NFILZ: variants seen among roughly 807,000 people sequenced by gnomAD.
NFILZ encodes NFIL3 like basic leucine zipper, also known as NFIL3 like protein.
At chr19:8,665,117 C>G (rs1290440606) in intron 3 of NFILZ, among the ~76,000 whole-genome samples, 1 of 152,032 alleles carries the variant, frequency 6.6e-6, no homozygotes, top group Non-Finnish European at 1.5e-5. Context: ...AGGGGCAGAC[C>G]CAGAGAGATT....
chr19:8,666,834 A>G (rs1342901953), intron 3 of NFILZ, among the ~76,000 whole-genome samples: 1 of 152,010 alleles, frequency 6.6e-6, no homozygotes, highest in Admixed American at 6.6e-5. Flanking sequence ...CCCCAGGCTC[A>G]GGTGATCCTC....
At chr19:8,656,390 CCCGCAGCCCACCTTCTCT>C (rs2042998697) in intron 3 of NFILZ, among the ~76,000 whole-genome samples, 6 of 111,728 alleles carry the variant, frequency 5.4e-5, no homozygotes, top group South Asian at 2.7e-4. Context: ...CCCACCTTCT[CCCGCAGCCCACCTTCTCT>C]CTGAAACCCA....
rs2043121898 is a variant in NFILZ at position 8,678,072 on chromosome 19, C to G, written c.*437C>G. The stretch of plus-strand genomic sequence containing the variant: ...TCCATCCACCCATCTATTCATCCAT[C>G]CATCAATCCATCCATCCATTCCATC... On this transcript the variant is annotated 3_prime_UTR_variant, in exon 6 of 6. Coordinates refer to ENST00000691075, the MANE Select transcript of NFILZ (RefSeq NM_001378600.1). Among the ~76,000 whole-genome samples the G allele has an allele frequency of 5.5e-5, 1 of 18,106 alleles. No individual in the cohort carries two copies. Among genetic ancestry groups the G allele is most frequent in the Non-Finnish European group, 1.5e-4 (1 of 6,576 alleles). 11.9% of individuals were successfully genotyped at this position (18,106 alleles called of 152,430 possible).
chr19:8,668,204 G>A (rs1262102151), intron 3 of NFILZ, among the ~76,000 whole-genome samples: 1 of 152,086 alleles, frequency 6.6e-6, no homozygotes, highest in African/African-American at 2.4e-5. Flanking sequence ...GCCTGCCTTG[G>A]CCTCCCAAAG....
intron 3 of NFILZ, among the ~76,000 whole-genome samples, chr19:8,656,411 G>T (rs2042999592): frequency 1.2e-5 from 1 of 85,270 alleles, no homozygotes; most frequent in Non-Finnish European, 2.5e-5. Flanking sequence ...CCTTCTCTCT[G>T]AAACCCACCT....
chr19:8,656,007 G>C (rs1263035877), intron 3 of NFILZ, among the ~76,000 whole-genome samples: 1 of 151,896 alleles, frequency 6.6e-6, no homozygotes, highest in Non-Finnish European at 1.5e-5. Context: ...CTCTCAGGGT[G>C]GGGAGAACAG....
intron 3 of NFILZ, among the ~76,000 whole-genome samples, chr19:8,656,439 T>TCCCGCAGCGCAC (rs2043000586): frequency 1.3e-5 from 1 of 76,020 alleles, no homozygotes; most frequent in African/African-American, 5.1e-5. Context: ...CAGCCCACCT[T>TCCCGCAGCGCAC]CTCCTCGAAG....
chr19:8,644,573 G>C (rs1333623585), intron 3 of NFILZ, among the ~76,000 whole-genome samples: 1 of 151,830 alleles, frequency 6.6e-6, no homozygotes, highest in African/African-American at 2.4e-5. Flanking sequence ...AGATCCTTCT[G>C]CCTCAGCCTC....
intron 3 of NFILZ, among the ~76,000 whole-genome samples, chr19:8,647,769 ACGCACACATGCGCGCGCGCGCGCGCG>A (rs2042946014): frequency 6.6e-5 from 9 of 136,546 alleles, no homozygotes; most frequent in African/African-American, 1.8e-4. Flanking sequence ...ACACACACAC[ACGCACACATGCGCGCGCGCGCGCGCG>A]CACACACACA....
chr19:8,646,762 G>A (rs1359501931), intron 3 of NFILZ, among the ~76,000 whole-genome samples: 1 of 152,066 alleles, frequency 6.6e-6, no homozygotes, highest in Non-Finnish European at 1.5e-5. Context: ...AACACCTCAG[G>A]ACCTTTGTCT....
At chr19:8,656,438 TTCTCCTC>T (rs2043000529) in intron 3 of NFILZ, among the ~76,000 whole-genome samples, 1,976 of 70,784 alleles carry the variant, frequency 0.028, 176 homozygotes, top group Middle Eastern at 0.057. Context: ...GCAGCCCACC[TTCTCCTC>T]GAAGCCCACC....
At chr19:8,652,926 C>CTCTCTCTCTCTCTCTT (rs1787731129) in intron 3 of NFILZ, among the ~76,000 whole-genome samples, 1 of 122,814 alleles carries the variant, frequency 8.1e-6, no homozygotes, top group Non-Finnish European at 1.8e-5. Flanking sequence ...TCTCTCTTCT[C>CTCTCTCTCTCTCTCTT]TCTCTCTTTC....
At chr19:8,632,092 C>T (rs1255803905) in intron 1 of NFILZ, among the ~76,000 whole-genome samples, 1 of 152,114 alleles carries the variant, frequency 6.6e-6, no homozygotes, top group African/African-American at 2.4e-5. Context: ...TGGTCTCGAA[C>T]TCCTGACCTC....
intron 4 of NFILZ, among the ~76,000 whole-genome samples, 175 bp downstream of exon 4, chr19:8,674,775 C>T (rs563117255): frequency 2.9e-4 from 44 of 152,116 alleles, no homozygotes; most frequent in East Asian, 3.9e-4. Flanking sequence ...TCAAACATGA[C>T]CTGAATTATG....
intron 3 of NFILZ, among the ~76,000 whole-genome samples, chr19:8,663,797 G>GA (rs1568423424): frequency 1.7e-5 from 1 of 60,056 alleles, no homozygotes; most frequent in East Asian, 2.5e-4. Context: ...TTGTGGGGGG[G>GA]ACTTGGTGGC....
chr19:8,643,070 C>A (rs1419564090), intron 3 of NFILZ, among the ~76,000 whole-genome samples: 2 of 151,810 alleles, frequency 1.3e-5, no homozygotes, highest in South Asian at 4.2e-4. Flanking sequence ...CCACCTCAGC[C>A]TCTTGAGTAG....
chr19:8,661,363 C>G (rs1006604555), intron 3 of NFILZ, among the ~76,000 whole-genome samples: 2 of 151,528 alleles, frequency 1.3e-5, no homozygotes, highest in Non-Finnish European at 2.9e-5. Context: ...GGGTTTCGCC[C>G]AGGCTTATAC....
rs142960144 is a variant in NFILZ at position 8,638,293 on chromosome 19, G to A, written c.-164+2547G>A. Among the ~76,000 whole-genome samples, 185 of 152,268 alleles carry A rather than the reference G, an allele frequency of 1.2e-3. 2 individuals are homozygous for A. In the East Asian group the frequency reaches 0.03, roughly 25 times the overall value. On this transcript the variant is annotated intron_variant, in intron 3 of 5. Transcript: ENST00000691075. The stretch of plus-strand genomic sequence containing the variant: ...TGTTGGTGGTGGAATTTACACGTGC[G>A]TTCATGAGTGTGCACGTGCGTTAGC...
intron 3 of NFILZ, among the ~76,000 whole-genome samples, chr19:8,659,179 C>T (rs528335665): frequency 1.4e-5 from 2 of 145,800 alleles, no homozygotes; most frequent in African/African-American, 5.1e-5. Flanking sequence ...CCTGAGAAGG[C>T]GGAGATGGCA....
Sources: allele counts gnomAD v4.1 joint callset (sites outside exome capture counted in the v4.1 genomes callset), GRCh38; gene constraint gnomAD v4.1.1; transcripts MANE v1.5; gene names NCBI Gene and HGNC (gene_info 2026-07-23, HGNC 2026-07-21).